The following WDR7 variants were observed in gnomAD, a reference collection of about 807,000 sequenced individuals.
The protein encoded by WDR7 is WD repeat-containing protein 7.
A neutral mutation model predicts 169.4 loss-of-function variants in WDR7; 46 were observed. That is an observed-to-expected ratio of 0.27 (90% CI 0.21 to 0.35). The LOEUF is 0.35. Ranked by LOEUF, WDR7 falls within the 10% of genes least tolerant of loss-of-function variation. The pLI is 1.00. For synonymous variants in WDR7, 612 were observed against 666.8 expected, an observed-to-expected ratio of 0.92 and a Z score of 1.27; for missense variants, 1,534 against 1,859.3, an observed-to-expected ratio of 0.83 and a Z score of 3.22.
At chr18:57,025,081 CT>C (rs1413248583) in intron 27 of WDR7, among the ~76,000 whole-genome samples, 2 of 152,134 alleles carry the variant, frequency 1.3e-5, no homozygotes, top group East Asian at 3.8e-4. Flanking sequence ...TATTCTCTCC[CT>C]TTTCATGTTT....
rs564324286 is a variant in WDR7 at position 56,857,708 on chromosome 18, A to G, written c.3305-22236A>G. Among the ~76,000 whole-genome samples, 59 of 152,260 alleles carry G rather than the reference A, an allele frequency of 3.9e-4. 2 individuals are homozygous for G. In the South Asian group the frequency reaches 0.012, roughly 31 times the overall value. On this transcript the variant is annotated intron_variant, in intron 20 of 27. Transcript: ENST00000254442. ...CACACACCCTGGGACACCCTGGATT[A>G]TGCTATAGGAAATAGAGGGATAAAG...
chr18:57,016,688 A>G (rs2048211878), intron 26 of WDR7, among the ~76,000 whole-genome samples: 1 of 152,222 alleles, frequency 6.6e-6, no homozygotes. Flanking sequence ...TGCAGAGCAC[A>G]TTGAAAATGT....
intron 12 of WDR7, among the ~76,000 whole-genome samples, chr18:56,706,492 A>T (rs2144688861): frequency 6.6e-6 from 1 of 152,222 alleles, no homozygotes; most frequent in Non-Finnish European, 1.5e-5. Flanking sequence ...CCTAGCCACA[A>T]TTTCTGTGAA....
At chr18:56,951,287 C>A (rs2047178341) in intron 25 of WDR7, among the ~76,000 whole-genome samples, 2 of 152,116 alleles carry the variant, frequency 1.3e-5, no homozygotes, top group African/African-American at 4.8e-5. Context: ...TCCCAGCAAC[C>A]TTAACTGTTG....
At chr18:57,020,533 A>C (rs1233214461) in intron 26 of WDR7, among the ~76,000 whole-genome samples, 2 of 152,208 alleles carry the variant, frequency 1.3e-5, no homozygotes, top group Non-Finnish European at 2.9e-5. Flanking sequence ...GCAGGTGGAC[A>C]CCTCAGAACA....
At chr18:56,674,656 C>G (rs604981) in intron 2 of WDR7, among the ~76,000 whole-genome samples, 139,624 of 152,130 alleles carry the variant, frequency 0.92, 65,251 homozygotes, top group East Asian at 1. Context: ...CTTTGAAGCA[C>G]AAAATATTTT....
intron 21 of WDR7, among the ~76,000 whole-genome samples, chr18:56,921,871 AG>A (rs2046727543): frequency 2.0e-5 from 3 of 152,220 alleles, no homozygotes; most frequent in African/African-American, 7.2e-5. Flanking sequence ...AGAGGCCCTT[AG>A]GAATCAGTCA....
chr18:56,992,446 G>T (rs1016409062), intron 26 of WDR7, among the ~76,000 whole-genome samples: 6 of 152,174 alleles, frequency 3.9e-5, no homozygotes, highest in African/African-American at 1.2e-4. Context: ...ACTGCATACA[G>T]AGATTATTCC....
In WDR7 at chr18:56,903,198, T is replaced by A. The variant is rs2046427299; in HGVS notation, c.3527-20724T>A. On this transcript the variant is annotated intron_variant, in intron 21 of 27. Transcript: ENST00000254442. ...GTTGAGGTTTTGCATCTTTTATTGGTCTGCCTTTATTTTCTGATATTTTCT... is the reference window on the plus strand; with the variant it reads ...GTTGAGGTTTTGCATCTTTTATTGGACTGCCTTTATTTTCTGATATTTTCT... Among the ~76,000 whole-genome samples the A allele has an allele frequency of 2.0e-5, 3 of 152,184 alleles. No individual in the cohort carries two copies. The South Asian group carries it at 6.2e-4, about 31-fold the overall frequency.
At position 56,912,591 on chromosome 18, in the gene WDR7, G is replaced by A. The variant is rs192423998; in HGVS notation, c.3527-11331G>A. 4.6e-5 allele frequency among the ~76,000 whole-genome samples: 7 copies of A among 152,216 alleles called. No homozygotes were observed. In the East Asian group the frequency reaches 1.4e-3, roughly 29 times the overall value. ...CACCCTACTAAAATCTTTTTGTGAGGTTACCATTGGCTTATAAATTGCCAA... is the reference window on the plus strand; with the variant it reads ...CACCCTACTAAAATCTTTTTGTGAGATTACCATTGGCTTATAAATTGCCAA... On this transcript the variant is annotated intron_variant, in intron 21 of 27. Transcript: ENST00000254442.
intron 17 of WDR7, 148 bp downstream of exon 17, chr18:56,777,028 T>A (rs2044252343): frequency 1.3e-6 from 1 of 755,002 alleles, no homozygotes; most frequent in African/African-American, 1.7e-5. Flanking sequence ...CTAATGTCAA[T>A]GACAAGAACC....
intron 26 of WDR7, among the ~76,000 whole-genome samples, chr18:56,997,102 G>A (rs1481405533): frequency 6.6e-6 from 1 of 152,152 alleles, no homozygotes; most frequent in Non-Finnish European, 1.5e-5. Context: ...CTTAGAGTAT[G>A]ACTTGCATTG....
chr18:56,853,527 A>G (rs1015845652), intron 20 of WDR7, among the ~76,000 whole-genome samples: 5 of 152,164 alleles, frequency 3.3e-5, no homozygotes, highest in Non-Finnish European at 4.4e-5. Context: ...AATTTTAAAT[A>G]TATTTCGTTT....
chr18:56,695,543 T>TC (rs1042490264), intron 11 of WDR7, among the ~76,000 whole-genome samples: 3 of 151,968 alleles, frequency 2.0e-5, no homozygotes, highest in Non-Finnish European at 4.4e-5. Context: ...AAATCTTTTT[T>TC]TTTTTTTTTT....
chr18:57,001,047 A>AAGAGAG (rs10536689), intron 26 of WDR7, among the ~76,000 whole-genome samples: 22 of 129,492 alleles, frequency 1.7e-4, no homozygotes, highest in African/African-American at 7.1e-4. Flanking sequence ...ATCTCTACAA[A>AAGAGAG]AGAGAGAGAG....
At chr18:56,976,848 C>G (rs767287448) in intron 26 of WDR7, among the ~76,000 whole-genome samples, 16 of 152,216 alleles carry the variant, frequency 1.1e-4, no homozygotes, top group Non-Finnish European at 1.6e-4. Context: ...CCTCACCCTT[C>G]CCTGAGCACA....
intron 23 of WDR7, 43 bp downstream of exon 23, chr18:56,935,948 G>T (rs775467091): frequency 6.5e-7 from 1 of 1,538,142 alleles, no homozygotes; most frequent in African/African-American, 1.4e-5. Flanking sequence ...TCATTTAGAG[G>T]AATTATTTGA....
intron 14 of WDR7, among the ~76,000 whole-genome samples, chr18:56,732,008 T>C (rs1467186237): frequency 6.6e-6 from 1 of 152,250 alleles, no homozygotes; most frequent in Non-Finnish European, 1.5e-5. Context: ...AATTAGGTTC[T>C]GATTTTAGTA....
In WDR7 at chr18:56,794,304, A is replaced by ATTTTTTTTTTTTTTTTTTTTTTTTTTTTT. The variant is rs566857049; in HGVS notation, c.3190+12671_3190+12672insTTTTTTTTTTTTTTTTTTTTTTTTTTTTT. 1.2e-4 allele frequency among the ~76,000 whole-genome samples: 6 copies of ATTTTTTTTTTTTTTTTTTTTTTTTTTTTT among 49,464 alleles called. 3 individuals carry two copies. The highest frequency in any genetic ancestry group is 1.5e-4 in the Non-Finnish European group (4 of 26,186). The allele number at this position is 49,464 out of a possible 152,430, so 32.5% of individuals were successfully genotyped here. A position where few individuals can be genotyped will look rare whatever the true frequency, so the allele number is the denominator to read the frequency against. The stretch of plus-strand genomic sequence containing the variant: ...GTTTGTGTCTTAAAAGGTAAAGTCT[A>ATTTTTTTTTTTTTTTTTTTTTTTTTTTTT]TTTTTTTTTTTTTTTTTTTTTTTGA... On this transcript the variant is annotated intron_variant, in intron 19 of 27. Transcript: ENST00000254442.
Sources: allele counts gnomAD v4.1 joint callset (sites outside exome capture counted in the v4.1 genomes callset), GRCh38; gene constraint gnomAD v4.1.1; transcripts MANE v1.5; gene names NCBI Gene and HGNC (gene_info 2026-07-23, HGNC 2026-07-21).